The following NLRP1 variants were observed in gnomAD, a reference collection of about 807,000 sequenced individuals.
NLRP1 encodes the protein NLR family pyrin domain containing 1.
A neutral mutation model predicts 136.7 loss-of-function variants in NLRP1; 94 were observed. That is an observed-to-expected ratio of 0.69 (90% CI 0.58 to 0.82). The LOEUF (loss-of-function observed/expected upper bound fraction) is 0.82, where lower values mean the gene tolerates loss of function less well. NLRP1 is among the 40% of genes least tolerant of loss of function. The pLI is 0.00. For missense variants in NLRP1, 1,575 were observed against 1,802.7 expected (o/e 0.87, Z 2.29); for synonymous variants, 690 against 725.1 (o/e 0.95, Z 0.78).
chr17:5,522,613 G>C (rs2151744281), intron 12 of NLRP1, among the ~76,000 whole-genome samples: 1 of 152,328 alleles, frequency 6.6e-6, no homozygotes, highest in East Asian at 1.9e-4. Context: ...GCATTTCTAG[G>C]CCTGGGGCCT....
chr17:5,528,650 C>A (rs1472343940), intron 12 of NLRP1, among the ~76,000 whole-genome samples: 2 of 152,120 alleles, frequency 1.3e-5, no homozygotes, highest in African/African-American at 4.8e-5. Flanking sequence ...TTTCTACTAG[C>A]TTCTAAATAA....
At position 5,559,193 on chromosome 17, in the gene NLRP1, A is replaced by G; in HGVS notation, c.1503T>C (p.Ile501=). 4 of 1,614,186 alleles carry G rather than the reference A, an allele frequency of 2.5e-6. No individual in the cohort carries two copies. Among genetic ancestry groups the G allele is most frequent in the Non-Finnish European group, 3.4e-6 (4 of 1,180,034 alleles). ...YRYFTDERQA[I]RAFRLVKSNK... The stretch of plus-strand genomic sequence containing the variant: ...TTGATTTGACCAACCTAAAGGCTCT[A>G]ATTGCTTGCCTTTCATCTGTGAAAT... The change falls in exon 4 of 17, where the codon ATT becomes ATC. Residue 501 remains isoleucine, a synonymous_variant. Transcript: ENST00000572272.
In NLRP1 at chr17:5,514,994, T is replaced by A. The variant is rs1907896969; in HGVS notation, c.4182A>T (p.Thr1394=). The A allele has an allele frequency of 6.2e-7, 1 of 1,614,050 alleles. No homozygotes were observed. The highest frequency in any genetic ancestry group is 1.7e-5 in the Admixed American group (1 of 59,996). The change falls in exon 17 of 17, where the codon ACA becomes ACT. Residue 1394 remains threonine, a synonymous_variant. Coordinates refer to ENST00000572272, the MANE Select transcript of NLRP1 (RefSeq NM_033004.4). The stretch of plus-strand genomic sequence containing the variant: ...GTTTGTCCAAGACAACCTCCACCGA[T>A]GTCACTCGGGCTATCAGCTGCTCTC... ...QYREQLIARV[T]SVEVVLDKLH... is the part of the protein sequence containing the mutation.
intron 5 of NLRP1, among the ~76,000 whole-genome samples, chr17:5,548,131 C>A (rs1217411331): frequency 1.3e-5 from 2 of 152,200 alleles, no homozygotes; most frequent in Non-Finnish European, 2.9e-5. Context: ...CAATGCCTGA[C>A]TGGCAGAGAT....
chr17:5,533,072 A>C, intron 10 of NLRP1, 88 bp from the exon 11 acceptor site: 1 of 1,475,650 alleles, frequency 6.8e-7, no homozygotes, highest in Non-Finnish European at 9.1e-7. Flanking sequence ...GCCCTTCCCA[A>C]GGCTGGCCTG....
chr17:5,508,807 C>T (rs141684865), intron 15 of NLRP1, among the ~76,000 whole-genome samples: 24 of 152,258 alleles, frequency 1.6e-4, no homozygotes, highest in Non-Finnish European at 2.9e-4. Flanking sequence ...TGTGTTCCTG[C>T]AGAGAAAGAC....
intron 16 of NLRP1, 47 bp from the exon 17 acceptor site, chr17:5,515,120 T>C (rs1241102282): frequency 1.3e-6 from 2 of 1,538,260 alleles, no homozygotes; most frequent in African/African-American, 1.4e-5. Flanking sequence ...CCACCTCCAA[T>C]CCCCACCTTC....
chr17:5,582,693 T>C lies in NLRP1; in HGVS notation c.425A>G (p.Asp142Gly). The C allele has an allele frequency of 6.2e-7, 1 of 1,614,064 alleles. No individual in the cohort carries two copies. Among genetic ancestry groups the C allele is most frequent in the Non-Finnish European group, 8.5e-7 (1 of 1,179,990 alleles). The part of the protein sequence containing the change: ...SERRVLRQLP[D>G]TSGRRWREIS... Reference sequence around the variant, plus strand: ...ACCTCTCCAGCGGCGTCCAGATGTGTCAGGCAGCTGTCTCAAAACCCTTCT... The same window carrying C: ...ACCTCTCCAGCGGCGTCCAGATGTGCCAGGCAGCTGTCTCAAAACCCTTCT... The change falls in exon 2 of 17, where the codon GAC (aspartate) becomes GGC (glycine). Residue 142 changes from aspartate (D) to glycine (G), a missense_variant. By Grantham distance (94) the Asp-to-Gly change is moderately conservative. Transcript: ENST00000572272.
At chr17:5,517,357 C>G (rs534699159) in intron 15 of NLRP1, among the ~76,000 whole-genome samples, 1 of 89,458 alleles carries the variant, frequency 1.1e-5, no homozygotes, top group East Asian at 2.4e-4. Flanking sequence ...TGCACCCCCC[C>G]CCCTCCCACA....
downstream of NLRP1, among the ~76,000 whole-genome samples, chr17:5,510,892 AC>A (rs1483702696): frequency 6.6e-6 from 1 of 152,122 alleles, no homozygotes; most frequent in East Asian, 1.9e-4. Flanking sequence ...ACTGGCACCT[AC>A]AACAGCCTCA....
In NLRP1 at chr17:5,541,929, A is replaced by G; in HGVS notation, c.2627T>C (p.Val876Ala). ...TLTELDLSFNVLTDAGAKHLC... is the reference protein window; with the variant it reads ...TLTELDLSFNALTDAGAKHLC... ...GTGTTTGGCTCCAGCATCCGTGAGCACATTGAAGCTCAGGTCCAGCTCGGT... is the reference window on the plus strand; with the variant it reads ...GTGTTTGGCTCCAGCATCCGTGAGCGCATTGAAGCTCAGGTCCAGCTCGGT... Residue 876 changes from valine to alanine, a missense_variant, in exon 6 of 17, where the codon GTG (valine) becomes GCG (alanine). Coordinates refer to ENST00000572272, the MANE Select transcript of NLRP1 (RefSeq NM_033004.4). The surrounding 1 kb of genome is among the most constrained non-coding windows in gnomAD (Gnocchi z 4.2). 1 of 1,614,102 alleles carries G rather than the reference A, an allele frequency of 6.2e-7. No homozygotes were observed. The highest frequency in any genetic ancestry group is 8.5e-7 in the Non-Finnish European group (1 of 1,180,030).
At position 5,584,000 on chromosome 17, in the gene NLRP1, G is replaced by T. The variant is rs1906012493; in HGVS notation, c.-43C>A. On this transcript the variant is annotated 5_prime_UTR_variant, in exon 1 of 17. Transcript: ENST00000572272. The surrounding 1 kb of genome is among the most constrained non-coding windows in gnomAD (Gnocchi z 4.5). Reference sequence around the variant, plus strand: ...GAGGGTGTCTGGGGGATGTTCCCAGGTGGTGAGGGTATCAGGCAGGCAGAG... The same window carrying T: ...GAGGGTGTCTGGGGGATGTTCCCAGTTGGTGAGGGTATCAGGCAGGCAGAG... 1.5e-5 allele frequency: 24 copies of T among 1,579,424 alleles called. No individual in the cohort carries two copies. Among genetic ancestry groups the T allele is most frequent in the Non-Finnish European group, 2.1e-5 (24 of 1,160,416 alleles).
chr17:5,569,566 A>C (rs114520139), intron 3 of NLRP1, among the ~76,000 whole-genome samples: 2,702 of 152,314 alleles, frequency 0.018, 75 homozygotes, highest in African/African-American at 0.062. Flanking sequence ...TTCAACAAGA[A>C]GACTTAACTG....
At chr17:5,570,181 C>G (rs1039827415) in intron 3 of NLRP1, among the ~76,000 whole-genome samples, 2 of 152,032 alleles carry the variant, frequency 1.3e-5, no homozygotes, top group African/African-American at 4.8e-5. Flanking sequence ...AGCAACCTAA[C>G]ATCACAAATA....
chr17:5,568,976 CT>C (rs113558134), intron 3 of NLRP1, among the ~76,000 whole-genome samples: 15,629 of 152,132 alleles, frequency 0.1, 866 homozygotes, highest in Middle Eastern at 0.14. Context: ...CCGTGGCCAC[CT>C]ACCACTATGA....
intron 5 of NLRP1, among the ~76,000 whole-genome samples, chr17:5,548,156 T>C (rs903106943): frequency 5.9e-5 from 9 of 152,214 alleles, no homozygotes; most frequent in African/African-American, 2.2e-4. Flanking sequence ...CACTCTACTA[T>C]GGCCATTTGA....
At chr17:5,513,425 T>C (rs1381734815), downstream of NLRP1, among the ~76,000 whole-genome samples, 1 of 152,194 alleles carries the variant, frequency 6.6e-6, no homozygotes, top group East Asian at 1.9e-4. Context: ...CTTAAGTATT[T>C]TATGAATTAT....
chr17:5,521,929 A>G (rs1908960837), intron 12 of NLRP1, 143 bp from the exon 13 acceptor site: 1 of 778,484 alleles, frequency 1.3e-6, no homozygotes, highest in Admixed American at 3.0e-5. Context: ...GGTTCAAGCG[A>G]TTCTCCTGCC....
In NLRP1 at chr17:5,559,642, C is replaced by A. The variant is rs752816859; in HGVS notation, c.1054G>T (p.Gly352Trp). The change falls in exon 4 of 17, where the codon GGG becomes TGG. Residue 352 changes from glycine (G) to tryptophan (W), a missense_variant. By Grantham distance (184) the Gly-to-Trp change is radical. Transcript: ENST00000572272. ...CGGTCCCCATACAGCTGGCCTCTCC[C>A]CCAGGCTTCCTTCACCTGCCTGGCC... ...TLARQVKEAW[G>W]RGQLYGDRFQ... 2.5e-6 allele frequency: 4 copies of A among 1,614,114 alleles called. No homozygotes were observed. The African/African-American group carries it at 5.3e-5, about 22-fold the overall frequency.
Sources: allele counts gnomAD v4.1 joint callset (sites outside exome capture counted in the v4.1 genomes callset), GRCh38; gene constraint gnomAD v4.1.1; non-coding constraint Gnocchi (gnomAD v3.1); transcripts MANE v1.5; gene names NCBI Gene and HGNC (gene_info 2026-07-23, HGNC 2026-07-21).